SLC25A24: variants seen among roughly 807,000 people sequenced by gnomAD.
SLC25A24 encodes mitochondrial adenyl nucleotide antiporter SLC25A24.
A neutral mutation model predicts 60.7 loss-of-function variants in SLC25A24; 49 were observed. The observed-to-expected ratio is 0.81, with a 90% confidence interval of 0.64 to 1.02. The LOEUF (loss-of-function observed/expected upper bound fraction) is 1.02, where lower values mean the gene tolerates loss of function less well. SLC25A24 is among the 50% of genes least tolerant of loss of function. The pLI, the probability that SLC25A24 is intolerant of heterozygous loss-of-function variation, is 0.00. For missense variants in SLC25A24, 564 were observed against 586.3 expected (o/e 0.96, Z 0.39); for synonymous variants, 202 against 200.6 (o/e 1.01, Z -0.06).
At chr1:108,146,401 C>A (rs6693643) in intron 7 of SLC25A24, among the ~76,000 whole-genome samples, 20,509 of 152,130 alleles carry the variant, frequency 0.13, 1,643 homozygotes, top group South Asian at 0.22. Context: ...TCTGAATACG[C>A]TTTATTTCTT....
At chr1:108,181,801 T>A (rs1647939459) in intron 3 of SLC25A24, 140 bp downstream of exon 3, 3 of 663,506 alleles carry the variant, frequency 4.5e-6, no homozygotes, top group East Asian at 5.4e-5. Context: ...ACAAAATGAA[T>A]GGGAGGAAAA....
At chr1:108,178,093 C>T (rs953800361) in intron 3 of SLC25A24, among the ~76,000 whole-genome samples, 39 of 151,966 alleles carry the variant, frequency 2.6e-4, no homozygotes, top group African/African-American at 3.4e-4. Flanking sequence ...AACCGTGAGA[C>T]GGGGGCTGCA....
intron 3 of SLC25A24, among the ~76,000 whole-genome samples, chr1:108,173,191 G>A (rs529778918): frequency 1.3e-5 from 2 of 152,184 alleles, no homozygotes; most frequent in South Asian, 4.2e-4. Context: ...ATATGGTTTG[G>A]CTGTGTCCCC....
intron 3 of SLC25A24, among the ~76,000 whole-genome samples, chr1:108,178,018 C>T (rs1647751556): frequency 6.6e-6 from 1 of 151,998 alleles, no homozygotes; most frequent in Non-Finnish European, 1.5e-5. Context: ...CAAAAATTAG[C>T]TGGGCGTGGT....
At position 108,136,651 on chromosome 1, in the gene SLC25A24, C is replaced by T; in HGVS notation, c.*2G>A. On this transcript the variant is annotated 3_prime_UTR_variant, in exon 10 of 10. Transcript: ENST00000565488. ...TATCAGGCTAAAGCAAAAAATGCAA[C>T]ATCATTTCTGGGTTACTCCTAAAGT... is the stretch of plus-strand genomic sequence containing the variant. 6.2e-7 allele frequency: 1 copy of T among 1,608,908 alleles called. No homozygotes were observed. The highest frequency in any genetic ancestry group is 8.5e-7 in the Non-Finnish European group (1 of 1,176,758).
chr1:108,135,345 T>C lies in SLC25A24; in HGVS notation c.*1308A>G, dbSNP rs1347354551. The C allele has an allele frequency of 1.3e-5, 2 of 152,566 alleles. No individual in the cohort carries two copies. Among genetic ancestry groups the C allele is most frequent in the Non-Finnish European group, 2.9e-5 (2 of 67,996 alleles). The allele number at this position is 152,566 out of a possible 1,614,324, so 9.5% of individuals were successfully genotyped here. On this transcript the variant is annotated 3_prime_UTR_variant, in exon 10 of 10. Transcript: ENST00000565488. ...TTACATCATTAGATTTTCATTAAAA[T>C]GCTGGAAATTTATAACAGAAATTAT...
chr1:108,158,977 T>G (rs1679979790), intron 4 of SLC25A24, among the ~76,000 whole-genome samples: 1 of 152,060 alleles, frequency 6.6e-6, no homozygotes, highest in African/African-American at 2.4e-5. Flanking sequence ...CACTCTAGCC[T>G]GGGCAACAGA....
Position 108,200,077 on chromosome 1 carries a change from G to A in SLC25A24, c.62C>T (p.Pro21Leu), listed in dbSNP as rs370078282. Residue 21 changes from proline to leucine, a missense_variant, in exon 1 of 10, where the codon CCG becomes CTG. Transcript: ENST00000565488. ...PTAACQDAEQ[P>L]TRYETLFQAL... The stretch of plus-strand genomic sequence containing the variant: ...CTGGAAGAGGGTCTCGTAGCGCGTC[G>A]GCTGCTCCGCGTCCTGGCAGGCCGC... 4.0e-5 allele frequency: 63 copies of A among 1,587,752 alleles called. No homozygotes were observed. In the Middle Eastern group the frequency reaches 1.3e-3, roughly 33 times the overall value.
chr1:108,141,367 G>C (rs949854537), intron 8 of SLC25A24, among the ~76,000 whole-genome samples: 12 of 152,116 alleles, frequency 7.9e-5, no homozygotes, highest in Admixed American at 7.9e-4. Context: ...AATGGTGTTG[G>C]GGAGGACATG....
rs774617163 is a variant in SLC25A24, at chr1:108,143,605, C to A, written c.1036G>T (p.Gly346Cys). 1 of 1,613,674 alleles carries A rather than the reference C, an allele frequency of 6.2e-7. No homozygotes were observed. Among genetic ancestry groups the A allele is most frequent in the Non-Finnish European group, 8.5e-7 (1 of 1,179,674 alleles). The change falls in exon 8 of 10, where the codon GGC (glycine) becomes TGC (cysteine). Residue 346 changes from glycine to cysteine, a missense_variant. Physicochemically the swap from Gly to Cys is radical, Grantham distance 159. Coordinates refer to ENST00000565488, the MANE Select transcript of SLC25A24 (RefSeq NM_013386.5). Reference sequence around the variant, plus strand: ...ATACCTAATAAATTGGGAACATAGCCTTTGTAAAAAGCTCCCAAGCCTTCA... The same window carrying A: ...ATACCTAATAAATTGGGAACATAGCATTTGTAAAAAGCTCCCAAGCCTTCA... ...KHEGLGAFYK[G>C]YVPNLLGIIP...
At chr1:108,137,724 G>A (rs916550893) in intron 9 of SLC25A24, among the ~76,000 whole-genome samples, 1 of 152,170 alleles carries the variant, frequency 6.6e-6, no homozygotes, top group Non-Finnish European at 1.5e-5. Flanking sequence ...CAGACTGCAT[G>A]TGTCTGAATT....
Position 108,185,930 on chromosome 1 carries a change from T to G in SLC25A24, c.208A>C (p.Asn70His). ...TCAAAATCCAGCTTCCCATCTTTGT[T>G]GACATCTCCAGTAGTAAAAATTTTC... ...EEKIFTTGDV[N>H]KDGKLDFEEF... Residue 70 changes from asparagine (N) to histidine (H), a missense_variant, in exon 2 of 10, where the codon AAC becomes CAC. By Grantham distance (68) the Asn-to-His change is moderately conservative. Coordinates refer to ENST00000565488, the MANE Select transcript of SLC25A24 (RefSeq NM_013386.5). 1 of 1,597,750 alleles carries G rather than the reference T, an allele frequency of 6.3e-7. No homozygotes were observed. Among genetic ancestry groups the G allele is most frequent in the Non-Finnish European group, 8.5e-7 (1 of 1,169,674 alleles).
At chr1:108,164,675 TTCTC>T (rs1421721457) in intron 3 of SLC25A24, among the ~76,000 whole-genome samples, 1 of 150,338 alleles carries the variant, frequency 6.7e-6, no homozygotes, top group South Asian at 2.1e-4. Context: ...TATTTGATTC[TTCTC>T]TCTTTTTTTC....
intron 3 of SLC25A24, among the ~76,000 whole-genome samples, chr1:108,178,850 T>C (rs1233969561): frequency 4.7e-5 from 7 of 150,036 alleles, no homozygotes; most frequent in Admixed American, 4.6e-4. Flanking sequence ...GTAACAGAGG[T>C]GCTTCAGCAA....
At position 108,155,941 on chromosome 1, in the gene SLC25A24, C is replaced by T. The variant is rs539278036; in HGVS notation, c.670-806G>A. ...GTTTCAGCTCACATAAAAGGGGTGA[C>T]TACCACTAAACACACACACACACAC... On this transcript the variant is annotated intron_variant, in intron 5 of 9. Transcript: ENST00000565488. Among the ~76,000 whole-genome samples the T allele has an allele frequency of 4.3e-5, 6 of 137,958 alleles. No homozygotes were observed. The East Asian group carries it at 1.1e-3, about 25-fold the overall frequency. The allele number at this position is 137,958 out of a possible 152,430, so 90.5% of individuals were successfully genotyped here.
chr1:108,195,271 C>T (rs1648460365), intron 1 of SLC25A24, among the ~76,000 whole-genome samples: 1 of 152,080 alleles, frequency 6.6e-6, no homozygotes, highest in African/African-American at 2.4e-5. Flanking sequence ...AATCATATAC[C>T]AGGCAGAGAA....
At chr1:108,184,176 A>G (rs1648038447) in intron 2 of SLC25A24, among the ~76,000 whole-genome samples, 1 of 152,226 alleles carries the variant, frequency 6.6e-6, no homozygotes, top group African/African-American at 2.4e-5. Context: ...TTCATTTAGA[A>G]TTTTATAAAA....
intron 8 of SLC25A24, among the ~76,000 whole-genome samples, chr1:108,141,860 A>C (rs1257004847): frequency 6.6e-6 from 1 of 152,152 alleles, no homozygotes; most frequent in Non-Finnish European, 1.5e-5. Flanking sequence ...GGTGAAGGGG[A>C]AATTGGGAGC....
chr1:108,188,656 G>C (rs989473447), intron 1 of SLC25A24, among the ~76,000 whole-genome samples: 5 of 152,138 alleles, frequency 3.3e-5, no homozygotes, highest in African/African-American at 1.2e-4. Flanking sequence ...CAGGTGTTGA[G>C]AAAAGAAAAG....
Sources: allele counts gnomAD v4.1 joint callset (sites outside exome capture counted in the v4.1 genomes callset), GRCh38; gene constraint gnomAD v4.1.1; transcripts MANE v1.5; gene names NCBI Gene and HGNC (gene_info 2026-07-23, HGNC 2026-07-21).